Variants in CDH13 observed in about 807,000 individuals in gnomAD.
CDH13 encodes the protein cadherin 13.
Under a neutral mutation model 63.8 loss-of-function variants are expected in CDH13, and 24 were observed. That is an observed-to-expected ratio of 0.38 (90% confidence interval 0.27 to 0.53). The LOEUF (loss-of-function observed/expected upper bound fraction) is 0.53. Ranked by LOEUF, CDH13 falls within the 20% of genes least tolerant of loss-of-function variation. CDH13 has a pLI of 0.85. For missense variants in CDH13, 1,049 were observed against 903.1 expected, an observed-to-expected ratio of 1.16 and a Z score of -2.07; for synonymous variants, 503 against 355.3, an observed-to-expected ratio of 1.42 and a Z score of -4.67.
At chr16:82,805,673 G>A (rs999675578) in intron 1 of CDH13, among the ~76,000 whole-genome samples, 3 of 152,150 alleles carry the variant, frequency 2.0e-5, no homozygotes, top group African/African-American at 4.8e-5. Context: ...GACTAGGTGT[G>A]GGTGTCTGAT....
At chr16:83,185,395 T>C (rs1238271037) in intron 4 of CDH13, among the ~76,000 whole-genome samples, 4 of 152,236 alleles carry the variant, frequency 2.6e-5, no homozygotes, top group Non-Finnish European at 5.9e-5. Context: ...GTTTCTGTGT[T>C]GCTGTAAAAA....
At chr16:83,034,156 C>T (rs1000484589) in intron 3 of CDH13, among the ~76,000 whole-genome samples, 3 of 152,076 alleles carry the variant, frequency 2.0e-5, no homozygotes, top group African/African-American at 7.2e-5. Context: ...GGCTCATGTG[C>T]CACCCTACTG....
At chr16:83,321,992 G>C (rs1299951234) in intron 5 of CDH13, among the ~76,000 whole-genome samples, 1 of 152,226 alleles carries the variant, frequency 6.6e-6, no homozygotes, top group African/African-American at 2.4e-5. Flanking sequence ...GTGAGAAGGA[G>C]CCACAGAGGT....
intron 6 of CDH13, among the ~76,000 whole-genome samples, chr16:83,372,367 A>G (rs925965793): frequency 1.3e-5 from 2 of 152,198 alleles, no homozygotes; most frequent in Non-Finnish European, 2.9e-5. Flanking sequence ...GTGTCATGGT[A>G]CTTGGCATAA....
chr16:83,329,295 A>G (rs1227760688), intron 5 of CDH13, among the ~76,000 whole-genome samples: 1 of 152,172 alleles, frequency 6.6e-6, no homozygotes, highest in Non-Finnish European at 1.5e-5. Flanking sequence ...GCACAGTCTC[A>G]GCTCACTGCA....
chr16:83,096,924 T>A (rs919645155), intron 3 of CDH13, among the ~76,000 whole-genome samples: 8 of 152,212 alleles, frequency 5.3e-5, no homozygotes, highest in Non-Finnish European at 1.0e-4. Context: ...TATTTACTAA[T>A]TCTCATAAAA....
chr16:83,734,022 G>T (rs1435828722), intron 10 of CDH13, among the ~76,000 whole-genome samples: 1 of 152,104 alleles, frequency 6.6e-6, no homozygotes. Flanking sequence ...TGTTATTAGT[G>T]TTTAGTCACC....
intron 1 of CDH13, among the ~76,000 whole-genome samples, chr16:82,821,860 C>T (rs932447342): frequency 6.6e-5 from 10 of 152,156 alleles, no homozygotes; most frequent in Admixed American, 6.5e-4. Flanking sequence ...AGAACAAGGG[C>T]TTGAAGGAAT....
chr16:83,019,300 C>G (rs1432925472), intron 2 of CDH13, among the ~76,000 whole-genome samples: 1 of 151,970 alleles, frequency 6.6e-6, no homozygotes, highest in Non-Finnish European at 1.5e-5. Context: ...AAAGCTGAGA[C>G]ATGAACACAT....
intron 2 of CDH13, among the ~76,000 whole-genome samples, chr16:82,903,588 G>A (rs1414861979): frequency 6.6e-6 from 1 of 151,928 alleles, no homozygotes; most frequent in African/African-American, 2.4e-5. Flanking sequence ...GTTTTATTCT[G>A]GTGTTTTAGT....
intron 1 of CDH13, among the ~76,000 whole-genome samples, chr16:82,681,724 C>T (rs1389054767): frequency 1.3e-5 from 2 of 152,216 alleles, no homozygotes; most frequent in Non-Finnish European, 2.9e-5. Context: ...TGCCTGAGGG[C>T]TCTCTCCGGC....
intron 3 of CDH13, among the ~76,000 whole-genome samples, chr16:83,087,081 T>C (rs2033637703): frequency 1.3e-5 from 2 of 152,170 alleles, no homozygotes; most frequent in Non-Finnish European, 2.9e-5. Flanking sequence ...AAAATTTAAC[T>C]TGGCAAAAAA....
chr16:83,534,082 C>T (rs780626345), intron 7 of CDH13, among the ~76,000 whole-genome samples: 4 of 152,172 alleles, frequency 2.6e-5, no homozygotes, highest in South Asian at 2.1e-4. Context: ...ATATTCTCAT[C>T]GCCCCCAAAT....
chr16:83,191,492 CAT>C (rs200931128), intron 4 of CDH13, among the ~76,000 whole-genome samples: 2,888 of 92,144 alleles, frequency 0.031, 82 homozygotes, highest in South Asian at 0.14. Context: ...TATATATGCA[CAT>C]ATATATATAT....
At chr16:83,207,649 TA>T (rs1316376696) in intron 4 of CDH13, among the ~76,000 whole-genome samples, 3 of 151,786 alleles carry the variant, frequency 2.0e-5, no homozygotes, top group Non-Finnish European at 4.4e-5. Context: ...TGGCCAATAA[TA>T]AGTTTTAAAA....
chr16:83,770,605 T>C (rs182391671), intron 11 of CDH13, among the ~76,000 whole-genome samples: 122 of 152,372 alleles, frequency 8.0e-4, no homozygotes, highest in African/African-American at 2.8e-3. Context: ...AGGCTGCTGG[T>C]TGCCCATTTT....
intron 2 of CDH13, among the ~76,000 whole-genome samples, chr16:82,863,417 G>T (rs1217387992): frequency 6.6e-6 from 1 of 152,242 alleles, no homozygotes; most frequent in East Asian, 1.9e-4. Flanking sequence ...CCTCCAATTG[G>T]TTACAATACT....
intron 1 of CDH13, among the ~76,000 whole-genome samples, chr16:82,808,536 G>T (rs1004127401): frequency 1.3e-5 from 2 of 152,142 alleles, no homozygotes; most frequent in African/African-American, 4.8e-5. Context: ...ACATGAAAAG[G>T]CAAGTGATAG....
Position 83,552,319 on chromosome 16 carries a change from T to G in CDH13, c.961-50135T>G, listed in dbSNP as rs142191035. ...AGGCCAGAACCCAGCTGCTTATGTC[T>G]AAAGCCATTATCTTACCAGGAAATG... On this transcript the variant is annotated intron_variant, in intron 7 of 13. Transcript: ENST00000567109. Among the ~76,000 whole-genome samples, 27 of 152,296 alleles carry G rather than the reference T, an allele frequency of 1.8e-4. No individual in the cohort carries two copies. The East Asian group carries it at 5.2e-3, about 29-fold the overall frequency.
Sources: allele counts gnomAD v4.1 joint callset (sites outside exome capture counted in the v4.1 genomes callset), GRCh38; gene constraint gnomAD v4.1.1; transcripts MANE v1.5; gene names NCBI Gene and HGNC (gene_info 2026-07-23, HGNC 2026-07-21).